OR5K1: variants seen among roughly 807,000 people sequenced by gnomAD.
The protein encoded by OR5K1 is olfactory receptor 5K1.
Under a neutral mutation model 10.4 loss-of-function variants are expected in OR5K1, and 7 were observed. The ratio of observed to expected loss-of-function variants is 0.67; its 90% CI spans 0.38 to 1.26. The LOEUF is 1.26. Among genes scored for constraint, OR5K1 ranks in the 50% most tolerant of loss-of-function variants. OR5K1 has a pLI of 0.02. For synonymous variants in OR5K1, 135 were observed against 128.5 expected (o/e 1.05, Z -0.34); for missense variants, 435 against 366.2 (o/e 1.19, Z -1.53).
chr3:98,469,357 T>C (rs775516197), intron 1 of OR5K1: 2 of 572,558 alleles, frequency 3.5e-6, no homozygotes, highest in Non-Finnish European at 6.1e-6. Flanking sequence ...AAAATGATTT[T>C]AAAAGGTACT....
At position 98,470,727 on chromosome 3, in the gene OR5K1, T is replaced by A. The variant is rs1366436650; in HGVS notation, c.*224T>A. Reference sequence around the variant, plus strand: ...AAAATAACAAAAATGAAATTCTAATTTTGAACTCATTCAAGTAACAATGTA... The same window carrying A: ...AAAATAACAAAAATGAAATTCTAATATTGAACTCATTCAAGTAACAATGTA... On this transcript the variant is annotated 3_prime_UTR_variant, in exon 2 of 2. Coordinates refer to ENST00000642057, the MANE Select transcript of OR5K1 (RefSeq NM_001004736.4). The A allele has an allele frequency of 6.6e-6, 2 of 304,598 alleles. No individual in the cohort carries two copies. Among genetic ancestry groups the A allele is most frequent in the Non-Finnish European group, 1.2e-5 (2 of 166,526 alleles). The allele number at this position is 304,598 out of a possible 1,614,324, so 18.9% of individuals were successfully genotyped here. A position where few individuals can be genotyped will look rare whatever the true frequency, so the allele number is the denominator to read the frequency against.
rs1045540628 is a variant in OR5K1 at position 98,469,455 on chromosome 3, C to A, written c.-11-111C>A. On this transcript the variant is annotated intron_variant, in intron 1 of 1. Transcript: ENST00000642057. ...AATGGGGCATGCACCAAAGTCCAGG[C>A]AACATGAGGAAACATTGTGGAAGAT... The A allele has an allele frequency of 2.3e-5, 24 of 1,026,904 alleles. No homozygotes were observed. In the East Asian group the frequency reaches 4.3e-4, roughly 19 times the overall value. The allele number at this position is 1,026,904 out of a possible 1,614,324, so 63.6% of individuals were successfully genotyped here.
chr3:98,470,701 C>A lies in OR5K1; in HGVS notation c.*198C>A. The A allele has an allele frequency of 2.8e-6, 1 of 352,966 alleles. No homozygotes were observed. 21.9% of individuals were successfully genotyped at this position (352,966 alleles called of 1,614,324 possible). On this transcript the variant is annotated 3_prime_UTR_variant, in exon 2 of 2. Coordinates refer to ENST00000642057, the MANE Select transcript of OR5K1 (RefSeq NM_001004736.4). ...GAGTAAACTGTGGTAAATCTTAATT[C>A]AAAATAACAAAAATGAAATTCTAAT...
Position 98,472,195 on chromosome 3 carries a change from A to C in OR5K1, c.*1692A>C, listed in dbSNP as rs1430613805. Reference sequence around the variant, plus strand: ...CCTCAGGCTGCATTGATTTTCAGCTAAAATGTCTATTTATCCAACCCACAA... The same window carrying C: ...CCTCAGGCTGCATTGATTTTCAGCTCAAATGTCTATTTATCCAACCCACAA... On this transcript the variant is annotated 3_prime_UTR_variant, in exon 2 of 2. Transcript: ENST00000642057. 1 of 151,630 alleles carries C rather than the reference A, an allele frequency of 6.6e-6. No individual in the cohort carries two copies. Among genetic ancestry groups the C allele is most frequent in the African/African-American group, 2.4e-5 (1 of 41,226 alleles). 9.4% of individuals were successfully genotyped at this position (151,630 alleles called of 1,614,324 possible). A position where few individuals can be genotyped will look rare whatever the true frequency, so the allele number is the denominator to read the frequency against.
At chr3:98,464,564 T>C (rs1705349290) in intron 1 of OR5K1, among the ~76,000 whole-genome samples, 1 of 152,282 alleles carries the variant, frequency 6.6e-6, no homozygotes, top group East Asian at 1.9e-4. Context: ...ATAAGGTAGA[T>C]TGAAACAAAA....
chr3:98,463,630 GAA>G (rs1705337472), intron 1 of OR5K1, among the ~76,000 whole-genome samples: 1 of 125,578 alleles, frequency 8.0e-6, no homozygotes, highest in Non-Finnish European at 1.7e-5. Flanking sequence ...TAAACTTGAT[GAA>G]ATGAATTATT....
intron 1 of OR5K1, among the ~76,000 whole-genome samples, chr3:98,465,814 T>C (rs1263498637): frequency 6.6e-6 from 1 of 152,098 alleles, no homozygotes; most frequent in African/African-American, 2.4e-5. Flanking sequence ...CAATATCCTA[T>C]TTATTCCAGT....
chr3:98,463,718 G>GA lies in OR5K1; in HGVS notation c.-12+412dup, dbSNP rs148446087. Among the ~76,000 whole-genome samples, 957 of 152,174 alleles carry GA rather than the reference G, an allele frequency of 6.3e-3. 15 individuals carry two copies. Among genetic ancestry groups the GA allele is most frequent in the African/African-American group, 0.022 (923 of 41,506 alleles). Reference sequence around the variant, plus strand: ...GTATTAAACAAATTATATAAGTAAGGACTATAATTTCAAACCAGTCTTTCA... The same window carrying GA: ...GTATTAAACAAATTATATAAGTAAGGAACTATAATTTCAAACCAGTCTTTCA... On this transcript the variant is annotated intron_variant, in intron 1 of 1. Transcript: ENST00000642057.
In OR5K1 at chr3:98,472,526, A is replaced by G. The variant is rs1047901240; in HGVS notation, c.*2023A>G. 6.6e-6 allele frequency: 1 copy of G among 151,846 alleles called. No individual in the cohort carries two copies. Among genetic ancestry groups the G allele is most frequent in the African/African-American group, 2.4e-5 (1 of 41,336 alleles). The allele number at this position is 151,846 out of a possible 1,614,324, so 9.4% of individuals were successfully genotyped here. On this transcript the variant is annotated 3_prime_UTR_variant, in exon 2 of 2. Transcript: ENST00000642057. ...GGCAACACGAACTCTTCCCTTCTTG[A>G]TGTTGCTTTTTTTCCCAACTGACTG... is the stretch of plus-strand genomic sequence containing the variant.
Position 98,470,298 on chromosome 3 carries a change from G to T in OR5K1, c.722G>T (p.Cys241Phe). The change falls in exon 2 of 2, where the codon TGT (cysteine) becomes TTT (phenylalanine). Residue 241 changes from cysteine (C) to phenylalanine (F), a missense_variant. Cys to Phe is a radical substitution (Grantham distance 205, BLOSUM62 -2). Coordinates refer to ENST00000642057, the MANE Select transcript of OR5K1 (RefSeq NM_001004736.4). ...GGAAGGGCCAAAGCTTTTTCTACCT[G>T]TGCATCCCACTTTTTGTCAGTTTCA... is the stretch of plus-strand genomic sequence containing the variant. Reference protein sequence around the residue: ...KEGRAKAFSTCASHFLSVSLF... With the variant: ...KEGRAKAFSTFASHFLSVSLF... 6.2e-7 allele frequency: 1 copy of T among 1,613,282 alleles called. No individual in the cohort carries two copies. The highest frequency in any genetic ancestry group is 1.3e-5 in the African/African-American group (1 of 74,950).
intron 1 of OR5K1, among the ~76,000 whole-genome samples, chr3:98,468,668 G>A (rs1325473138): frequency 6.6e-6 from 1 of 152,060 alleles, no homozygotes; most frequent in Non-Finnish European, 1.5e-5. Context: ...CCTTTTTAGG[G>A]TTGAATAATG....
At chr3:98,464,672 A>C (rs1705350645) in intron 1 of OR5K1, among the ~76,000 whole-genome samples, 1 of 152,218 alleles carries the variant, frequency 6.6e-6, no homozygotes, top group Non-Finnish European at 1.5e-5. Flanking sequence ...AAATGTGAAC[A>C]CCCTAGAATC....
chr3:98,469,636 C>A lies in OR5K1; in HGVS notation c.60C>A (p.His20Gln). 6.2e-7 allele frequency: 1 copy of A among 1,613,422 alleles called. No individual in the cohort carries two copies. The highest frequency in any genetic ancestry group is 8.5e-7 in the Non-Finnish European group (1 of 1,179,662). The change falls in exon 2 of 2, where the codon CAC (histidine) becomes CAA (glutamine). Residue 20 changes from histidine (H) to glutamine (Q), a missense_variant. Physicochemically the swap from His to Gln is conservative, Grantham distance 24. Transcript: ENST00000642057. Reference sequence around the variant, plus strand: ...TTATCCTCACAGGATTTACAGATCACCCTGAGCTGAAGACTCTGCTGTTTG... The same window carrying A: ...TTATCCTCACAGGATTTACAGATCAACCTGAGCTGAAGACTCTGCTGTTTG... ...NEFILTGFTD[H>Q]PELKTLLFVV...
At chr3:98,464,186 G>A (rs148626662) in intron 1 of OR5K1, among the ~76,000 whole-genome samples, 2,447 of 152,226 alleles carry the variant, frequency 0.016, 65 homozygotes, top group African/African-American at 0.054. Flanking sequence ...AACCTGGGAG[G>A]TGGAGGTTGC....
chr3:98,470,377 A>G lies in OR5K1; in HGVS notation c.801A>G (p.Glu267=), dbSNP rs1436325206. 6.2e-7 allele frequency: 1 copy of G among 1,612,628 alleles called. No individual in the cohort carries two copies. Among genetic ancestry groups the G allele is most frequent in the Non-Finnish European group, 8.5e-7 (1 of 1,179,124 alleles). ...ACGTTAGACCAAATTTGCTTGAAGA[A>G]GGGGATAAAGATATACCAGCTGCAA... is the stretch of plus-strand genomic sequence containing the variant. ...FMYVRPNLLE[E]GDKDIPAAIL... The change falls in exon 2 of 2, where the codon GAA becomes GAG. Residue 267 remains glutamate, a synonymous_variant. Transcript: ENST00000642057.
At chr3:98,463,453 T>C (rs1005524817) in intron 1 of OR5K1, 146 bp downstream of exon 1, 2 of 152,214 alleles carry the variant, frequency 1.3e-5, no homozygotes, top group African/African-American at 4.8e-5. Flanking sequence ...CTAAAGTCTA[T>C]TGTGTAAGCT....
At chr3:98,463,373 A>C (rs1705334800) in intron 1 of OR5K1, 66 bp downstream of exon 1, 1 of 152,178 alleles carries the variant, frequency 6.6e-6, no homozygotes. Flanking sequence ...TATTTCTCTA[A>C]GTTATTTAAG....
chr3:98,469,818 T>C lies in OR5K1; in HGVS notation c.242T>C (p.Met81Thr). ...SCCACAITPK[M>T]LENFFSENKR... ...TGTGCCTGTGCTATTACCCCCAAAA[T>C]GTTAGAGAACTTCTTTTCTGAGAAC... is the stretch of plus-strand genomic sequence containing the variant. The change falls in exon 2 of 2, where the codon ATG becomes ACG. Residue 81 changes from methionine to threonine, a missense_variant. By Grantham distance (81) the Met-to-Thr change is moderately conservative. Coordinates refer to ENST00000642057, the MANE Select transcript of OR5K1 (RefSeq NM_001004736.4). 6.2e-7 allele frequency: 1 copy of C among 1,613,800 alleles called. No homozygotes were observed. Among genetic ancestry groups the C allele is most frequent in the East Asian group, 2.2e-5 (1 of 44,872 alleles).
At position 98,470,508 on chromosome 3, in the gene OR5K1, A is replaced by C. The variant is rs781743995; in HGVS notation, c.*5A>C. 100 of 1,498,020 alleles carry C rather than the reference A, an allele frequency of 6.7e-5. No individual in the cohort carries two copies. Among genetic ancestry groups the C allele is most frequent in the African/African-American group, 8.4e-5 (6 of 71,518 alleles). 92.8% of individuals were successfully genotyped at this position (1,498,020 alleles called of 1,614,324 possible). ...AAAATTCTGATGAAGAAATAATCTCAAGAAAGATGGAAACAAGTGACATCT... is the reference window on the plus strand; with the variant it reads ...AAAATTCTGATGAAGAAATAATCTCCAGAAAGATGGAAACAAGTGACATCT... On this transcript the variant is annotated 3_prime_UTR_variant, in exon 2 of 2. Transcript: ENST00000642057.
Sources: gnomAD v4.1 joint callset for allele counts (sites outside exome capture counted in the v4.1 genomes callset) on GRCh38, gnomAD v4.1.1 for gene constraint, MANE v1.5 for transcripts, NCBI Gene and HGNC (gene_info 2026-07-23, HGNC 2026-07-21) for gene names.